Variants in IGF2BP2 observed in about 807,000 individuals in gnomAD.
IGF2BP2 encodes insulin like growth factor 2 mRNA binding protein 2.
A neutral mutation model predicts 75.8 loss-of-function variants in IGF2BP2; 17 were observed. That is an observed-to-expected ratio of 0.22 (90% CI 0.15 to 0.34). The LOEUF (loss-of-function observed/expected upper bound fraction) is 0.34, where lower values mean the gene tolerates loss of function less well. Among genes scored for constraint, IGF2BP2 ranks in the 10% least tolerant of loss-of-function variants. The pLI is 1.00. For synonymous variants in IGF2BP2, 288 were observed against 295.6 expected, an observed-to-expected ratio of 0.97 and a Z score of 0.26; for missense variants, 516 against 772.4, an observed-to-expected ratio of 0.67 and a Z score of 3.93.
chr3:185,696,572 T>C (rs780187370), intron 4 of IGF2BP2, 40 bp downstream of exon 4: 2 of 1,549,780 alleles, frequency 1.3e-6, no homozygotes, highest in South Asian at 2.2e-5. Flanking sequence ...TAACAGATAA[T>C]ATCTCTCTCC....
Position 185,689,558 on chromosome 3 carries a change from T to C in IGF2BP2, c.474A>G (p.Glu158=), listed in dbSNP as rs1378458278. Residue 158 remains glutamate (E), a synonymous_variant, in exon 6 of 16, where the codon GAA becomes GAG. Transcript: ENST00000382199. ...GAGGGGGCGAAGGGGAGCTCACCTC[T>C]TCATCCGGGATGTAGGAAATCTTGA... ...YSFKISYIPD[E]EVSSPSPPQR... 6.2e-7 allele frequency: 1 copy of C among 1,614,110 alleles called. No homozygotes were observed. Among genetic ancestry groups the C allele is most frequent in the African/African-American group, 1.3e-5 (1 of 74,936 alleles).
At chr3:185,767,797 T>C (rs1733295702) in intron 2 of IGF2BP2, 2 of 154,152 alleles carry the variant, frequency 1.3e-5, no homozygotes, top group Admixed American at 1.3e-4. Flanking sequence ...GGGGATATAT[T>C]TTAGTGCAGC....
At chr3:185,821,118 C>G (rs1741324436) in intron 2 of IGF2BP2, 12 of 1,521,034 alleles carry the variant, frequency 7.9e-6, no homozygotes, top group Non-Finnish European at 1.1e-5. Flanking sequence ...CATTAGCTAT[C>G]TCTCCCTTAG....
intron 2 of IGF2BP2, among the ~76,000 whole-genome samples, chr3:185,784,873 T>C (rs1032902772): frequency 6.6e-6 from 1 of 152,242 alleles, no homozygotes; most frequent in Admixed American, 6.5e-5. Flanking sequence ...TAAGACAGTC[T>C]TTGCCTGTGA....
At chr3:185,785,244 T>C (rs985589118) in intron 2 of IGF2BP2, among the ~76,000 whole-genome samples, 6 of 148,716 alleles carry the variant, frequency 4.0e-5, no homozygotes, top group African/African-American at 1.5e-4. Context: ...GAGACTGTAG[T>C]GAGCCGAGAT....
At chr3:185,783,814 T>C (rs1735518057) in intron 2 of IGF2BP2, among the ~76,000 whole-genome samples, 1 of 152,242 alleles carries the variant, frequency 6.6e-6, no homozygotes, top group Non-Finnish European at 1.5e-5. Flanking sequence ...TGTGAAGTTT[T>C]AAAATATTTT....
At chr3:185,704,026 G>C (rs1478723698) in intron 2 of IGF2BP2, among the ~76,000 whole-genome samples, 2 of 152,128 alleles carry the variant, frequency 1.3e-5, no homozygotes, top group Non-Finnish European at 2.9e-5. Context: ...GGATTCCCAG[G>C]TAACTTTTGG....
intron 10 of IGF2BP2, among the ~76,000 whole-genome samples, chr3:185,658,734 T>G (rs1340773223): frequency 6.6e-6 from 1 of 152,168 alleles, no homozygotes; most frequent in Non-Finnish European, 1.5e-5. Context: ...CCACTGGCAC[T>G]TGCACCCATA....
At chr3:185,793,645 T>C (rs1736935241) in intron 2 of IGF2BP2, among the ~76,000 whole-genome samples, 1 of 152,164 alleles carries the variant, frequency 6.6e-6, no homozygotes, top group Non-Finnish European at 1.5e-5. Flanking sequence ...AGAGACTCTT[T>C]TCTATGGGTT....
At chr3:185,726,576 T>C (rs879351193) in intron 2 of IGF2BP2, among the ~76,000 whole-genome samples, 2 of 152,228 alleles carry the variant, frequency 1.3e-5, no homozygotes, top group Non-Finnish European at 2.9e-5. Flanking sequence ...GCCATTGTAA[T>C]AGACCCAATA....
intron 7 of IGF2BP2, among the ~76,000 whole-genome samples, chr3:185,679,727 C>T (rs1310004940): frequency 1.3e-5 from 2 of 152,138 alleles, no homozygotes; most frequent in Non-Finnish European, 2.9e-5. Flanking sequence ...AGTGATTCTC[C>T]TGCCTCAGCC....
chr3:185,665,455 G>GAGA lies in IGF2BP2; in HGVS notation c.1201-7049_1201-7047dup, dbSNP rs773228830. 1.4e-4 allele frequency among the ~76,000 whole-genome samples: 14 copies of GAGA among 101,036 alleles called. 1 individual carries two copies. The highest frequency in any genetic ancestry group is 3.6e-4 in the African/African-American group (9 of 24,906). The allele number at this position is 101,036 out of a possible 152,430, so 66.3% of individuals were successfully genotyped here. A position where few individuals can be genotyped will look rare whatever the true frequency, so the allele number is the denominator to read the frequency against. ...GGAGGAGGAGAAGGAGGAGGAGGAGGAGAAGAAGAAGAAGAAGAAGGAGAA... is the reference window on the plus strand; with the variant it reads ...GGAGGAGGAGAAGGAGGAGGAGGAGGAGAAGAAGAAGAAGAAGAAGAAGGAGAA... On this transcript the variant is annotated intron_variant, in intron 10 of 15. Coordinates refer to ENST00000382199, the MANE Select transcript of IGF2BP2 (RefSeq NM_006548.6).
intron 2 of IGF2BP2, among the ~76,000 whole-genome samples, chr3:185,786,694 C>T (rs1352325929): frequency 6.6e-6 from 1 of 152,128 alleles, no homozygotes; most frequent in Non-Finnish European, 1.5e-5. Context: ...TTGTTGCTCA[C>T]ACAAAGCCTG....
chr3:185,712,536 G>C (rs1358842853), intron 2 of IGF2BP2: 1 of 152,146 alleles, frequency 6.6e-6, no homozygotes, highest in Non-Finnish European at 1.5e-5. Flanking sequence ...TTGAATCCCA[G>C]CTCTACCACG....
chr3:185,789,058 G>A (rs1359658730), intron 2 of IGF2BP2, among the ~76,000 whole-genome samples: 1 of 152,052 alleles, frequency 6.6e-6, no homozygotes, highest in African/African-American at 2.4e-5. Flanking sequence ...TGCCTAGGCT[G>A]GAGTGAAGTG....
intron 2 of IGF2BP2, among the ~76,000 whole-genome samples, chr3:185,803,020 G>A (rs1333872986): frequency 1.3e-5 from 2 of 152,182 alleles, no homozygotes; most frequent in Admixed American, 6.5e-5. Context: ...TTTATTTTTA[G>A]AGGGCTGAAT....
At chr3:185,824,068 G>A (rs1159923972) in intron 1 of IGF2BP2, among the ~76,000 whole-genome samples, 1 of 151,988 alleles carries the variant, frequency 6.6e-6, no homozygotes, top group Non-Finnish European at 1.5e-5. Context: ...CAATAAAATC[G>A]GACAAAAAAT....
intron 2 of IGF2BP2, among the ~76,000 whole-genome samples, chr3:185,704,397 C>T (rs970336041): frequency 7.9e-5 from 12 of 152,182 alleles, no homozygotes; most frequent in African/African-American, 2.9e-4. Flanking sequence ...GGACCTAGGG[C>T]TGCTCAAGGA....
chr3:185,738,773 C>A (rs911783618), intron 2 of IGF2BP2, among the ~76,000 whole-genome samples: 1 of 152,178 alleles, frequency 6.6e-6, no homozygotes, highest in Non-Finnish European at 1.5e-5. Flanking sequence ...CTGCTTCCTT[C>A]ACAGAGAATG....
Sources: allele counts gnomAD v4.1 joint callset (sites outside exome capture counted in the v4.1 genomes callset), GRCh38; gene constraint gnomAD v4.1.1; transcripts MANE v1.5; gene names NCBI Gene and HGNC (gene_info 2026-07-23, HGNC 2026-07-21).